The following AP1M1 variants were observed in gnomAD, a reference collection of about 807,000 sequenced individuals.
AP1M1 encodes the protein adaptor related protein complex 1 subunit mu 1.
In AP1M1, 18 loss-of-function variants were observed where a neutral mutation model predicts 57.1. The ratio of observed to expected loss-of-function variants is 0.32; its 90% confidence interval spans 0.22 to 0.47. The LOEUF is 0.47. Among genes scored for constraint, AP1M1 ranks in the 20% least tolerant of loss-of-function variants. The pLI is 1.00. For synonymous variants in AP1M1, 241 were observed against 237.9 expected, an observed-to-expected ratio of 1.01 and a Z score of -0.12; for missense variants, 362 against 593.5, an observed-to-expected ratio of 0.61 and a Z score of 4.05.
At chr19:16,223,013 G>A (rs142099192) in intron 5 of AP1M1, among the ~76,000 whole-genome samples, 2 of 152,280 alleles carry the variant, frequency 1.3e-5, no homozygotes, top group African/African-American at 2.4e-5. Flanking sequence ...TGACATTTTC[G>A]TGGTTGTTTG....
At chr19:16,230,558 G>A (rs1307725327) in intron 9 of AP1M1, among the ~76,000 whole-genome samples, 3 of 152,056 alleles carry the variant, frequency 2.0e-5, no homozygotes, top group South Asian at 4.1e-4. Context: ...GTGTCACCAC[G>A]CCTGGCTAAT....
At chr19:16,216,972 G>A (rs1435633789) in intron 5 of AP1M1, among the ~76,000 whole-genome samples, 1 of 152,124 alleles carries the variant, frequency 6.6e-6, no homozygotes, top group African/African-American at 2.4e-5. Flanking sequence ...GCTAGTGGAT[G>A]TCAGGGAGCC....
intron 5 of AP1M1, among the ~76,000 whole-genome samples, chr19:16,215,086 G>C (rs2091511901): frequency 1.3e-5 from 2 of 150,924 alleles, no homozygotes; most frequent in South Asian, 4.2e-4. Flanking sequence ...ATGAAGCTTA[G>C]GTTGGCCAGA....
At position 16,245,659 on chromosome 19, in the gene AP1M1, G is replaced by A. The variant is rs527606960; in HGVS notation, c.*11224G>A. ...TTTTTAAAATTCAGTTTGACAAAAT[G>A]ACTTTTAGCTGGAGCATTAAGTCCC... On this transcript the variant is annotated 3_prime_UTR_variant, in exon 12 of 12. Coordinates refer to ENST00000291439, the MANE Select transcript of AP1M1 (RefSeq NM_032493.4). 61 of 152,250 alleles carry A rather than the reference G, an allele frequency of 4.0e-4. No individual in the cohort carries two copies. Among genetic ancestry groups the A allele is most frequent in the African/African-American group, 1.3e-3 (53 of 41,562 alleles). The allele number at this position is 152,250 out of a possible 1,614,324, so 9.4% of individuals were successfully genotyped here.
chr19:16,208,469 C>G (rs145955961), intron 4 of AP1M1, among the ~76,000 whole-genome samples: 1 of 152,182 alleles, frequency 6.6e-6, no homozygotes, highest in East Asian at 1.9e-4. Flanking sequence ...GAAATCTCCC[C>G]TCTTTGGAAT....
chr19:16,222,845 T>C (rs1374370022), intron 5 of AP1M1, among the ~76,000 whole-genome samples: 3 of 152,172 alleles, frequency 2.0e-5, no homozygotes, highest in Non-Finnish European at 4.4e-5. Flanking sequence ...GAACTCCTGG[T>C]TGATTCTTCT....
chr19:16,198,140 G>A, intron 1 of AP1M1, 72 bp downstream of exon 1: 1 of 1,560,200 alleles, frequency 6.4e-7, no homozygotes, highest in Non-Finnish European at 8.7e-7. Flanking sequence ...GACCCACCCT[G>A]TTGCTAGGTA....
Position 16,206,197 on chromosome 19 carries a change from C to T in AP1M1, c.200-144C>T. On this transcript the variant is annotated intron_variant, in intron 2 of 11. Transcript: ENST00000291439. The surrounding 1 kb of genome is among the most constrained non-coding windows in gnomAD (Gnocchi z 4.3). ...TAGCTTGGACCAGGAGCTTTGTAGCCCACCATGGGCCAAGTAAACGGCTGG... is the reference window on the plus strand; with the variant it reads ...TAGCTTGGACCAGGAGCTTTGTAGCTCACCATGGGCCAAGTAAACGGCTGG... 1 of 795,542 alleles carries T rather than the reference C, an allele frequency of 1.3e-6. No individual in the cohort carries two copies. Among genetic ancestry groups the T allele is most frequent in the Non-Finnish European group, 2.0e-6 (1 of 489,774 alleles). The allele number at this position is 795,542 out of a possible 1,614,324, so 49.3% of individuals were successfully genotyped here. A position where few individuals can be genotyped will look rare whatever the true frequency, so the allele number is the denominator to read the frequency against.
At chr19:16,218,366 C>T (rs1025365695) in intron 5 of AP1M1, among the ~76,000 whole-genome samples, 9 of 152,242 alleles carry the variant, frequency 5.9e-5, no homozygotes, top group African/African-American at 1.9e-4. Flanking sequence ...CCCCTGCCAA[C>T]GCAGCTGGCC....
chr19:16,240,359 C>CT lies in AP1M1; in HGVS notation c.*5925dup, dbSNP rs1294276645. On this transcript the variant is annotated 3_prime_UTR_variant, in exon 12 of 12. Coordinates refer to ENST00000291439, the MANE Select transcript of AP1M1 (RefSeq NM_032493.4). Reference sequence around the variant, plus strand: ...GAAGGCCCAACATGCCAGCAAGTATCTAACACAAACCAAAAAATGAGAACT... The same window carrying CT: ...GAAGGCCCAACATGCCAGCAAGTATCTTAACACAAACCAAAAAATGAGAACT... The CT allele has an allele frequency of 1.3e-4, 20 of 151,816 alleles. No individual in the cohort carries two copies. The Admixed American group carries it at 1.3e-3, about 10-fold the overall frequency. The allele number at this position is 151,816 out of a possible 1,614,324, so 9.4% of individuals were successfully genotyped here. A position where few individuals can be genotyped will look rare whatever the true frequency, so the allele number is the denominator to read the frequency against.
intron 1 of AP1M1, 79 bp downstream of exon 1, chr19:16,198,147 G>C (rs1403267762): frequency 1.3e-6 from 2 of 1,536,826 alleles, no homozygotes; most frequent in Non-Finnish European, 1.8e-6. Flanking sequence ...CCTGTTGCTA[G>C]GTAACCGGCT....
At chr19:16,210,477 T>C in intron 5 of AP1M1, 1 of 703,560 alleles carries the variant, frequency 1.4e-6, no homozygotes, top group Non-Finnish European at 2.6e-6. Context: ...AGGGTTGTGA[T>C]GACCCCACAT....
At chr19:16,226,281 CAG>C in intron 5 of AP1M1, 138 bp from the exon 6 acceptor site, 3 of 1,251,812 alleles carry the variant, frequency 2.4e-6, no homozygotes, top group African/African-American at 1.5e-5. Flanking sequence ...TCTCCCAGCT[CAG>C]GGGATGCCCA....
chr19:16,202,467 C>T (rs1352881337), intron 1 of AP1M1, among the ~76,000 whole-genome samples: 1 of 152,218 alleles, frequency 6.6e-6, no homozygotes, highest in Admixed American at 6.5e-5. Context: ...GAAGCCATAA[C>T]CACACATTCC....
At chr19:16,231,905 C>T (rs2091600512) in intron 9 of AP1M1, among the ~76,000 whole-genome samples, 1 of 152,216 alleles carries the variant, frequency 6.6e-6, no homozygotes, top group African/African-American at 2.4e-5. Flanking sequence ...AGTCCTGTCC[C>T]TACTGCTGTC....
chr19:16,209,580 G>A (rs527468464), intron 5 of AP1M1, among the ~76,000 whole-genome samples: 18 of 151,754 alleles, frequency 1.2e-4, no homozygotes, highest in Non-Finnish European at 2.4e-4. Context: ...CAGGGTATGA[G>A]GTTAGAAAGT....
At chr19:16,229,820 T>C (rs559983213) in intron 9 of AP1M1, among the ~76,000 whole-genome samples, 1 of 152,326 alleles carries the variant, frequency 6.6e-6, no homozygotes, top group South Asian at 2.1e-4. Context: ...GTATTTTGCT[T>C]TTCCTCATTA....
At chr19:16,204,485 C>T (rs979599221) in intron 2 of AP1M1, among the ~76,000 whole-genome samples, 3 of 152,226 alleles carry the variant, frequency 2.0e-5, no homozygotes, top group African/African-American at 2.4e-5. Context: ...AACGACCCCT[C>T]ACTGCAGGAC....
rs2091630178 is a variant in AP1M1, at chr19:16,237,616, C to T, written c.*3181C>T. 1 of 151,436 alleles carries T rather than the reference C, an allele frequency of 6.6e-6. No homozygotes were observed. The allele number at this position is 151,436 out of a possible 1,614,324, so 9.4% of individuals were successfully genotyped here. On this transcript the variant is annotated 3_prime_UTR_variant, in exon 12 of 12. Coordinates refer to ENST00000291439, the MANE Select transcript of AP1M1 (RefSeq NM_032493.4). Reference sequence around the variant, plus strand: ...GGCATGGTGGCGGGCGCCTGTAATCCCAGCTACTTGGGAGGCTGAGGCATC... The same window carrying T: ...GGCATGGTGGCGGGCGCCTGTAATCTCAGCTACTTGGGAGGCTGAGGCATC...
Sources: allele counts gnomAD v4.1 joint callset (sites outside exome capture counted in the v4.1 genomes callset), GRCh38; gene constraint gnomAD v4.1.1; non-coding constraint Gnocchi (gnomAD v3.1); transcripts MANE v1.5; gene names NCBI Gene and HGNC (gene_info 2026-07-23, HGNC 2026-07-21).